The following RIT2 variants were observed in gnomAD, a reference collection of about 807,000 sequenced individuals.
RIT2 encodes the protein GTP-binding protein Rit2.
RIT2 carries 24 observed loss-of-function variants against 23.7 expected under a neutral mutation model. That is an observed-to-expected ratio of 1.01 (90% CI 0.73 to 1.43). The LOEUF is 1.43. Among genes scored for constraint, RIT2 ranks in the 40% most tolerant of loss-of-function variants. The pLI is 0.00. For missense variants in RIT2, 236 were observed against 266.9 expected, an observed-to-expected ratio of 0.88 and a Z score of 0.81; for synonymous variants, 107 against 91.1, an observed-to-expected ratio of 1.17 and a Z score of -0.99.
chr18:42,894,594 A>G (rs1908273053), intron 4 of RIT2, among the ~76,000 whole-genome samples: 1 of 152,218 alleles, frequency 6.6e-6, no homozygotes, highest in African/African-American at 2.4e-5. Context: ...TGATAATAAA[A>G]TAAACAGATC....
intron 4 of RIT2, among the ~76,000 whole-genome samples, chr18:42,897,555 T>C (rs1908364029): frequency 6.6e-6 from 1 of 152,198 alleles, no homozygotes; most frequent in South Asian, 2.1e-4. Flanking sequence ...TGTCATACTT[T>C]GTTTATGTAT....
intron 3 of RIT2, among the ~76,000 whole-genome samples, chr18:42,929,899 A>T (rs1403152384): frequency 6.6e-6 from 1 of 152,138 alleles, no homozygotes; most frequent in Admixed American, 6.6e-5. Context: ...TTCAGAAGCC[A>T]AGTCACTACT....
intron 4 of RIT2, among the ~76,000 whole-genome samples, chr18:42,882,315 C>T (rs954479246): frequency 2.6e-5 from 4 of 152,136 alleles, no homozygotes; most frequent in Non-Finnish European, 4.4e-5. Context: ...TCTTAGACTG[C>T]GTCATGCTAC....
chr18:43,114,176 A>C (rs533715988), intron 1 of RIT2, among the ~76,000 whole-genome samples: 1 of 152,170 alleles, frequency 6.6e-6, no homozygotes, highest in South Asian at 2.1e-4. Flanking sequence ...GAGATGAATA[A>C]TTTTTTTCAC....
chr18:43,069,768 T>A (rs982853992), intron 1 of RIT2, among the ~76,000 whole-genome samples: 1 of 152,172 alleles, frequency 6.6e-6, no homozygotes. Context: ...CTTATTGATG[T>A]TTCTTTCTGG....
rs554073904 is a variant in RIT2, at chr18:42,815,868, G to A, written c.427-72148C>T. Among the ~76,000 whole-genome samples the A allele has an allele frequency of 3.9e-5, 6 of 152,258 alleles. No individual in the cohort carries two copies. The East Asian group carries it at 1.2e-3, about 29-fold the overall frequency. ...ACTACATTTTATTTGACACATTAAT[G>A]TATGTTTAAAAATCTAAAAATCTTC... On this transcript the variant is annotated intron_variant, in intron 4 of 4. Coordinates refer to ENST00000326695, the MANE Select transcript of RIT2 (RefSeq NM_002930.4).
intron 4 of RIT2, among the ~76,000 whole-genome samples, chr18:42,874,182 T>C (rs1304526113): frequency 6.6e-6 from 1 of 152,204 alleles, no homozygotes; most frequent in Non-Finnish European, 1.5e-5. Context: ...TATTAGCTCA[T>C]GATATGTAAT....
chr18:42,747,973 G>T (rs1180623850), intron 4 of RIT2, among the ~76,000 whole-genome samples: 2 of 152,022 alleles, frequency 1.3e-5, no homozygotes, highest in African/African-American at 4.8e-5. Flanking sequence ...CTAGACATTG[G>T]CTTAGGCAAA....
intron 3 of RIT2, among the ~76,000 whole-genome samples, chr18:42,952,443 C>T (rs1674428379): frequency 6.6e-6 from 1 of 151,948 alleles, no homozygotes; most frequent in African/African-American, 2.4e-5. Flanking sequence ...ATGAATAAAT[C>T]CTAGGGATCT....
At chr18:43,045,690 G>A (rs1021381565) in intron 1 of RIT2, among the ~76,000 whole-genome samples, 8 of 152,186 alleles carry the variant, frequency 5.3e-5, no homozygotes, top group African/African-American at 1.9e-4. Flanking sequence ...GGCATTGGGA[G>A]GGCACAAATA....
chr18:42,811,386 C>T (rs1195068766), intron 4 of RIT2, among the ~76,000 whole-genome samples: 3 of 151,896 alleles, frequency 2.0e-5, no homozygotes, highest in Non-Finnish European at 2.9e-5. Flanking sequence ...AGGGCCACAG[C>T]CAGAAAACAA....
At chr18:43,001,219 G>T (rs923502331) in intron 2 of RIT2, among the ~76,000 whole-genome samples, 21 of 151,992 alleles carry the variant, frequency 1.4e-4, no homozygotes. Flanking sequence ...AATGGAGGAT[G>T]AGAAATGGAG....
At chr18:42,771,179 A>C (rs1913543752) in intron 4 of RIT2, among the ~76,000 whole-genome samples, 1 of 152,150 alleles carries the variant, frequency 6.6e-6, no homozygotes, top group Admixed American at 6.5e-5. Flanking sequence ...CTGTATCTGT[A>C]CTTCCCTTAG....
At chr18:43,055,758 GT>G (rs1173665935) in intron 1 of RIT2, among the ~76,000 whole-genome samples, 2 of 152,126 alleles carry the variant, frequency 1.3e-5, no homozygotes, top group Admixed American at 6.6e-5. Flanking sequence ...TGGTTATGAG[GT>G]TTTCGGACAT....
At chr18:42,992,340 C>T (rs1428673192) in intron 2 of RIT2, among the ~76,000 whole-genome samples, 2 of 152,116 alleles carry the variant, frequency 1.3e-5, no homozygotes, top group African/African-American at 2.4e-5. Context: ...CTAAATAATT[C>T]TTGTCGTAAA....
chr18:42,797,232 C>T (rs1310386351), intron 4 of RIT2, among the ~76,000 whole-genome samples: 1 of 152,036 alleles, frequency 6.6e-6, no homozygotes, highest in Non-Finnish European at 1.5e-5. Context: ...AAAAGAAACT[C>T]AAAGTCCTAA....
At chr18:42,863,653 T>C (rs1231416655) in intron 4 of RIT2, among the ~76,000 whole-genome samples, 1 of 152,172 alleles carries the variant, frequency 6.6e-6, no homozygotes, top group Non-Finnish European at 1.5e-5. Flanking sequence ...AAATGAACTC[T>C]CCAATTCTTT....
At chr18:43,076,869 C>A (rs1469687881) in intron 1 of RIT2, among the ~76,000 whole-genome samples, 1 of 151,768 alleles carries the variant, frequency 6.6e-6, no homozygotes, top group African/African-American at 2.4e-5. Flanking sequence ...TTTGGGAGGC[C>A]GAGGCGGGCG....
intron 4 of RIT2, among the ~76,000 whole-genome samples, chr18:42,806,099 TAATATATA>T (rs945192415): frequency 6.2e-5 from 3 of 48,418 alleles, no homozygotes; most frequent in African/African-American, 2.5e-4. Context: ...TTAATAAAAT[TAATATATA>T]TATATATATA....
Sources: gnomAD v4.1 joint callset for allele counts (sites outside exome capture counted in the v4.1 genomes callset) on GRCh38, gnomAD v4.1.1 for gene constraint, MANE v1.5 for transcripts, NCBI Gene and HGNC (gene_info 2026-07-23, HGNC 2026-07-21) for gene names.